C1orf159: variants seen among roughly 807,000 people sequenced by gnomAD.
C1orf159 encodes uncharacterized protein C1orf159.
C1orf159 carries 19 observed loss-of-function variants against 25.6 expected under a neutral mutation model. The ratio of observed to expected loss-of-function variants is 0.74; its 90% confidence interval spans 0.52 to 1.09. The LOEUF (loss-of-function observed/expected upper bound fraction) is 1.09. Ranked by LOEUF, C1orf159 falls within the 50% of genes least tolerant of loss-of-function variation. The probability of loss-of-function intolerance (pLI) is 0.00; values close to 1 mark genes in which losing one functional copy is unlikely to be tolerated. For synonymous variants in C1orf159, 139 were observed against 124.7 expected, an observed-to-expected ratio of 1.12 and a Z score of -0.77; for missense variants, 274 against 290.6, an observed-to-expected ratio of 0.94 and a Z score of 0.42.
chr1:1,087,322 C>A lies in C1orf159; in HGVS notation c.245-118G>T. On this transcript the variant is annotated intron_variant, in intron 5 of 9. Transcript: ENST00000421241. The surrounding 1 kb of genome is among the most constrained non-coding windows in gnomAD (Gnocchi z 8.3). ...AAAGCGAGGGGCTGAGGGGGCGGAGCAGCCCTCACCACAGAGCTGTCCCGA... is the reference window on the plus strand; with the variant it reads ...AAAGCGAGGGGCTGAGGGGGCGGAGAAGCCCTCACCACAGAGCTGTCCCGA... The A allele has an allele frequency of 1.7e-6, 2 of 1,211,458 alleles. No homozygotes were observed. Among genetic ancestry groups the A allele is most frequent in the Non-Finnish European group, 1.1e-6 (1 of 881,662 alleles). The allele number at this position is 1,211,458 out of a possible 1,614,324, so 75.0% of individuals were successfully genotyped here.
intron 1 of C1orf159, among the ~76,000 whole-genome samples, chr1:1,103,928 G>A (rs988164445): frequency 1.1e-4 from 17 of 151,828 alleles, no homozygotes; most frequent in African/African-American, 3.1e-4. Context: ...GCAATTCTCC[G>A]TCTCAGCCTC....
At chr1:1,088,685 A>G (rs2100746246) in intron 4 of C1orf159, among the ~76,000 whole-genome samples, 1 of 151,110 alleles carries the variant, frequency 6.6e-6, no homozygotes, top group South Asian at 2.1e-4. Context: ...GAGTAGACAC[A>G]CTCTTGATGC....
At chr1:1,106,451 C>T (rs1646171967) in intron 1 of C1orf159, among the ~76,000 whole-genome samples, 3 of 152,216 alleles carry the variant, frequency 2.0e-5, no homozygotes, top group Admixed American at 2.0e-4. Context: ...ATGTCAGTTT[C>T]TCAAAAAACT....
Position 1,087,217 on chromosome 1 carries a change from A to C in C1orf159, c.245-13T>G, listed in dbSNP as rs749662172. On this transcript the variant is annotated splice_polypyrimidine_tract_variant and intron_variant, in intron 5 of 9. Transcript: ENST00000421241. This position sits in a 1 kb window ranked among gnomAD's most constrained non-coding sequence, Gnocchi z 8.3. ...CCCGGGCCAGCAACTGTGGGATAGC[A>C]GAACTGTGGGAAGCCTGTGTGCACG... is the stretch of plus-strand genomic sequence containing the variant. The C allele has an allele frequency of 1.9e-6, 3 of 1,602,524 alleles. No individual in the cohort carries two copies. The highest frequency in any genetic ancestry group is 1.1e-5 in the South Asian group (1 of 89,440).
intron 1 of C1orf159, among the ~76,000 whole-genome samples, chr1:1,114,682 C>T (rs766041361): frequency 1.6e-4 from 24 of 152,210 alleles, no homozygotes; most frequent in South Asian, 6.2e-4. Flanking sequence ...GTGGCCATGA[C>T]GGATCCTGGC....
Position 1,082,933 on chromosome 1 carries a change from G to A in C1orf159, c.557C>T (p.Pro186Leu). 1 of 1,603,994 alleles carries A rather than the reference G, an allele frequency of 6.2e-7. No homozygotes were observed. The highest frequency in any genetic ancestry group is 8.5e-7 in the Non-Finnish European group (1 of 1,176,140). ...RERPLDRATD[P>L]AAFPGEARIS... The stretch of plus-strand genomic sequence containing the variant: ...ACGGGCCTCCCCCGGGAAGGCAGCG[G>A]GATCCGTGGCCCTGTCCAGGGGCCG... The change falls in exon 10 of 10, where the codon CCC (proline) becomes CTC (leucine). Residue 186 changes from proline (P) to leucine (L), a missense_variant. Pro to Leu is a moderately conservative substitution (Grantham distance 98). Transcript: ENST00000421241.
chr1:1,086,784 G>A (rs558385438), intron 6 of C1orf159, among the ~76,000 whole-genome samples: 5 of 151,974 alleles, frequency 3.3e-5, no homozygotes, highest in Admixed American at 6.6e-5. Flanking sequence ...AGCGTGAGCC[G>A]TGAGTGTGAG....
chr1:1,091,870 G>A (rs1032666005), intron 2 of C1orf159, 121 bp downstream of exon 2: 22 of 479,836 alleles, frequency 4.6e-5, no homozygotes, highest in South Asian at 2.7e-4. Flanking sequence ...GATGGGGCAG[G>A]GCCGTGGCAG....
intron 1 of C1orf159, among the ~76,000 whole-genome samples, chr1:1,112,253 C>A (rs185699600): frequency 1.3e-5 from 2 of 152,222 alleles, no homozygotes; most frequent in African/African-American, 2.4e-5. Context: ...AGGAACTGGG[C>A]GAGTTGGCTC....
chr1:1,091,498 C>T lies in C1orf159; in HGVS notation c.46G>A (p.Val16Ile). ...GTGTTCTCCATGGACTTGCTGGCGA[C>T]TCCCACGAGAAGGCCAGCCAGGAGG... ...LALLAGLLVGVASKSMENTAQ... is the reference protein window; with the variant it reads ...LALLAGLLVGIASKSMENTAQ... Residue 16 changes from valine (V) to isoleucine (I), a missense_variant, in exon 3 of 10, where the codon GTC becomes ATC. Physicochemically the swap from Val to Ile is conservative, Grantham distance 29. Coordinates refer to ENST00000421241, the MANE Select transcript of C1orf159 (RefSeq NM_017891.5). 2 of 1,550,270 alleles carry T rather than the reference C, an allele frequency of 1.3e-6. No individual in the cohort carries two copies. The highest frequency in any genetic ancestry group is 2.4e-5 in the East Asian group (1 of 40,896).
chr1:1,090,224 C>T (rs530831468), intron 4 of C1orf159, 129 bp downstream of exon 4: 27 of 957,242 alleles, frequency 2.8e-5, no homozygotes, highest in Non-Finnish European at 4.2e-5. Context: ...GCCCTCACTG[C>T]CCCATCCACT....
At position 1,086,048 on chromosome 1, in the gene C1orf159, G is replaced by A. The variant is rs774359263; in HGVS notation, c.311-36C>T. On this transcript the variant is annotated intron_variant, in intron 6 of 9. Transcript: ENST00000421241. ...ACACCGCTGAGCAGACGGGCAGGAC[G>A]GTGGCCCTGGCTCCTCGCCTGGCCC... The A allele has an allele frequency of 1.7e-5, 27 of 1,607,578 alleles. 1 individual carries two copies. Among genetic ancestry groups the A allele is most frequent in the Admixed American group, 1.7e-4 (10 of 59,648 alleles).
Position 1,087,481 on chromosome 1 carries a change from G to A in C1orf159, c.244+21C>T, listed in dbSNP as rs2100744091. 6.5e-7 allele frequency: 1 copy of A among 1,537,830 alleles called. No homozygotes were observed. The highest frequency in any genetic ancestry group is 8.8e-7 in the Non-Finnish European group (1 of 1,137,278). On this transcript the variant is annotated intron_variant, in intron 5 of 9. Transcript: ENST00000421241. The surrounding 1 kb of genome is among the most constrained non-coding windows in gnomAD (Gnocchi z 8.3). ...AGCTGGAGCTGTGAGAAGGGAGCCG[G>A]GGGGAGCCGGGCAGACCTACAGCTT...
chr1:1,091,169 T>A, intron 3 of C1orf159: 1 of 617,984 alleles, frequency 1.6e-6, no homozygotes, highest in East Asian at 2.8e-5. Flanking sequence ...CCGATAGCGA[T>A]GCGCGGCACG....
At chr1:1,085,065 G>T (rs543211548) in intron 7 of C1orf159, among the ~76,000 whole-genome samples, 1 of 152,294 alleles carries the variant, frequency 6.6e-6, no homozygotes, top group South Asian at 2.1e-4. Flanking sequence ...TGCTGAGCAG[G>T]CCGGGTCTCT....
Position 1,089,858 on chromosome 1 carries a change from C to T in C1orf159, c.148+495G>A, listed in dbSNP as rs1256256964. Among the ~76,000 whole-genome samples, 1 of 152,236 alleles carries T rather than the reference C, an allele frequency of 6.6e-6. No homozygotes were observed. Among genetic ancestry groups the T allele is most frequent in the East Asian group, 1.9e-4 (1 of 5,192 alleles). On this transcript the variant is annotated intron_variant, in intron 4 of 9. Coordinates refer to ENST00000421241, the MANE Select transcript of C1orf159 (RefSeq NM_017891.5). The surrounding 1 kb of genome is among the most constrained non-coding windows in gnomAD (Gnocchi z 7.5). ...TGCCCCCAGACAGTCCCTTCCGCAG[C>T]CTCCCAGAACCTCTGATGAACAGGG...
In C1orf159 at chr1:1,090,374, C is replaced by G; in HGVS notation, c.127G>C (p.Gly43Arg). The change falls in exon 4 of 10, where the codon GGC (glycine) becomes CGC (arginine). Residue 43 changes from glycine to arginine, a missense_variant. By Grantham distance (125) the Gly-to-Arg change is moderately radical. Transcript: ENST00000421241. ...DVVGVNASCP[G>R]ASLCGPGCYR... ...TTACCTGGACCACACAGACTTGCGC[C>G]TGGGCAGCTGGCGTTGACGCCCACC... 2 of 1,550,556 alleles carry G rather than the reference C, an allele frequency of 1.3e-6. No individual in the cohort carries two copies. Among genetic ancestry groups the G allele is most frequent in the Non-Finnish European group, 1.7e-6 (2 of 1,146,954 alleles).
intron 1 of C1orf159, among the ~76,000 whole-genome samples, chr1:1,112,476 C>G (rs907861547): frequency 2.0e-5 from 3 of 150,456 alleles, no homozygotes; most frequent in Non-Finnish European, 4.4e-5. Context: ...AGTGAACACA[C>G]GGCACATGCT....
Position 1,087,359 on chromosome 1 carries a change from G to A in C1orf159, c.244+143C>T, listed in dbSNP as rs1645847969. On this transcript the variant is annotated intron_variant, in intron 5 of 9. Coordinates refer to ENST00000421241, the MANE Select transcript of C1orf159 (RefSeq NM_017891.5). The surrounding 1 kb of genome is among the most constrained non-coding windows in gnomAD (Gnocchi z 8.3). ...CAGAGCTGTCCCGAATGGCCCAGCA[G>A]ACTCGGGAAGAGGGGGCTCCCGGGG... The A allele has an allele frequency of 2.6e-6, 3 of 1,154,092 alleles. No homozygotes were observed. Among genetic ancestry groups the A allele is most frequent in the South Asian group, 1.6e-5 (1 of 63,586 alleles). 71.5% of individuals were successfully genotyped at this position (1,154,092 alleles called of 1,614,324 possible).
Sources: allele counts gnomAD v4.1 joint callset (sites outside exome capture counted in the v4.1 genomes callset), GRCh38; gene constraint gnomAD v4.1.1; non-coding constraint Gnocchi (gnomAD v3.1); transcripts MANE v1.5; gene names NCBI Gene and HGNC (gene_info 2026-07-23, HGNC 2026-07-21).